Variants in NBEA observed in about 807,000 individuals in gnomAD.
The protein encoded by NBEA is lysosomal-trafficking regulator 2.
In NBEA, 44 loss-of-function variants were observed where a neutral mutation model predicts 343.4. The observed-to-expected ratio is 0.13, with a 90% CI of 0.10 to 0.16. NBEA has a LOEUF of 0.16. Ranked by LOEUF, NBEA falls within the 10% of genes least tolerant of loss-of-function variation. The pLI, the probability that NBEA is intolerant of heterozygous loss-of-function variation, is 1.00. For synonymous variants in NBEA, 1,175 were observed against 1,238.7 expected, an observed-to-expected ratio of 0.95 and a Z score of 1.08; for missense variants, 2,555 against 3,631.3, an observed-to-expected ratio of 0.70 and a Z score of 7.62.
intron 46 of NBEA, 101 bp downstream of exon 46, chr13:35,584,139 T>C: frequency 8.6e-7 from 1 of 1,158,478 alleles, no homozygotes; most frequent in Non-Finnish European, 1.3e-6. Flanking sequence ...TTAACAAAGA[T>C]TAGAGACGAG....
chr13:35,002,157 C>T lies in NBEA; in HGVS notation c.295-38776C>T, dbSNP rs535331840. On this transcript the variant is annotated intron_variant, in intron 1 of 58. Transcript: ENST00000379939. The stretch of plus-strand genomic sequence containing the variant: ...CCTCAGAATGGGAGCTCAGGGGTCC[C>T]ATCTGAGACCAGCAGTTGCAGTTGG... Among the ~76,000 whole-genome samples, 3 of 152,240 alleles carry T rather than the reference C, an allele frequency of 2.0e-5. No homozygotes were observed. The East Asian group carries it at 5.8e-4, about 29-fold the overall frequency.
intron 47 of NBEA, among the ~76,000 whole-genome samples, chr13:35,601,761 C>CAAAAAA (rs869213180): frequency 2.6e-5 from 3 of 114,910 alleles, no homozygotes; most frequent in African/African-American, 1.1e-4. Flanking sequence ...GACTCCATCG[C>CAAAAAA]AAAAAAAAAA....
chr13:35,610,924 G>T (rs2082490756), intron 48 of NBEA, among the ~76,000 whole-genome samples: 1 of 151,600 alleles, frequency 6.6e-6, no homozygotes, highest in Non-Finnish European at 1.5e-5. Context: ...TATGTAGATG[G>T]CAAATAAACA....
chr13:35,359,472 G>A (rs1193666673), intron 38 of NBEA, among the ~76,000 whole-genome samples: 2 of 151,870 alleles, frequency 1.3e-5, no homozygotes, highest in Non-Finnish European at 2.9e-5. Context: ...CAATATGAAG[G>A]AATTTCATCC....
At chr13:35,339,040 A>G (rs1209609788) in intron 36 of NBEA, among the ~76,000 whole-genome samples, 3 of 152,116 alleles carry the variant, frequency 2.0e-5, no homozygotes, top group Admixed American at 1.3e-4. Context: ...GAACCCCGCA[A>G]TGAAGTCATG....
chr13:35,193,752 G>T (rs571461218), intron 30 of NBEA, among the ~76,000 whole-genome samples: 2 of 151,978 alleles, frequency 1.3e-5, no homozygotes, highest in South Asian at 4.1e-4. Context: ...CATCCAATAT[G>T]AATGTTTGAA....
chr13:35,213,807 G>A (rs2152755279), intron 33 of NBEA, among the ~76,000 whole-genome samples: 1 of 151,952 alleles, frequency 6.6e-6, no homozygotes, highest in East Asian at 1.9e-4. Context: ...ATTTTAATGA[G>A]TTTTGATTAG....
intron 38 of NBEA, among the ~76,000 whole-genome samples, chr13:35,406,509 G>A (rs2043278917): frequency 6.6e-6 from 1 of 151,868 alleles, no homozygotes; most frequent in Non-Finnish European, 1.5e-5. Context: ...TTATGCCTTT[G>A]CATCCTCATA....
At chr13:35,283,520 T>A (rs891218701) in intron 34 of NBEA, among the ~76,000 whole-genome samples, 1 of 152,170 alleles carries the variant, frequency 6.6e-6, no homozygotes, top group Admixed American at 6.6e-5. Context: ...TTAATTTCTT[T>A]ATCAATCTTC....
chr13:35,267,973 ATT>A (rs1343459368), intron 34 of NBEA, among the ~76,000 whole-genome samples: 1 of 152,046 alleles, frequency 6.6e-6, no homozygotes, highest in Non-Finnish European at 1.5e-5. Context: ...TAAAAATATA[ATT>A]ACCATGTCAC....
chr13:35,115,571 C>T (rs1170532257), intron 13 of NBEA, among the ~76,000 whole-genome samples: 1 of 151,932 alleles, frequency 6.6e-6, no homozygotes, highest in African/African-American at 2.4e-5. Flanking sequence ...TATTGTTTAG[C>T]TTCTATAGTT....
At position 35,045,351 on chromosome 13, in the gene NBEA, C is replaced by A; in HGVS notation, c.673C>A (p.Gln225Lys). 6.2e-7 allele frequency: 1 copy of A among 1,612,682 alleles called. No individual in the cohort carries two copies. Among genetic ancestry groups the A allele is most frequent in the South Asian group, 1.1e-5 (1 of 90,834 alleles). The change falls in exon 4 of 59, where the codon CAG (glutamine) becomes AAG (lysine). Residue 225 changes from glutamine to lysine, a missense_variant. By Grantham distance (53) the Gln-to-Lys change is moderately conservative. Coordinates refer to ENST00000379939, the MANE Select transcript of NBEA (RefSeq NM_001385012.1). ...ATTATCAGTTCTTAATCAGATGCCA[C>A]AGAGACACGGTCCTGATACTTTTTT... The part of the protein sequence containing the change: ...KLLSVLNQMP[Q>K]RHGPDTFFNF...
chr13:35,156,322 A>G, intron 20 of NBEA, 116 bp downstream of exon 20: 1 of 1,037,378 alleles, frequency 9.6e-7, no homozygotes, highest in East Asian at 3.1e-5. Context: ...TAATCATCAG[A>G]AAAGGCATTT....
intron 1 of NBEA, among the ~76,000 whole-genome samples, chr13:34,947,622 G>T (rs1243363898): frequency 6.6e-6 from 1 of 152,076 alleles, no homozygotes; most frequent in Non-Finnish European, 1.5e-5. Flanking sequence ...AGTTATTTAT[G>T]TGTGTTTCCC....
intron 53 of NBEA, among the ~76,000 whole-genome samples, chr13:35,653,337 T>G (rs1347029659): frequency 6.7e-6 from 1 of 148,680 alleles, no homozygotes; most frequent in East Asian, 2.0e-4. Context: ...TCTTTTTTTT[T>G]TTTTTTTTTT....
At chr13:35,367,574 G>T (rs754245047) in intron 38 of NBEA, among the ~76,000 whole-genome samples, 35 of 149,472 alleles carry the variant, frequency 2.3e-4, no homozygotes, top group Non-Finnish European at 4.3e-4. Context: ...TTTCCAACTG[G>T]TGTTCTTTTC....
intron 38 of NBEA, among the ~76,000 whole-genome samples, chr13:35,386,391 A>G (rs2042245478): frequency 6.6e-6 from 1 of 152,264 alleles, no homozygotes; most frequent in South Asian, 2.1e-4. Context: ...TTTCTACTAC[A>G]TAGTCTGAAA....
rs544885575 is a variant in NBEA at position 35,591,131 on chromosome 13, C to T, written c.7177-2197C>T. On this transcript the variant is annotated intron_variant, in intron 46 of 58. Coordinates refer to ENST00000379939, the MANE Select transcript of NBEA (RefSeq NM_001385012.1). ...TTTAATCTTATTTAATCCCATAATT[C>T]CCCCAAGGTATTGTCATTCCCAGTT... Among the ~76,000 whole-genome samples the T allele has an allele frequency of 2.4e-4, 36 of 152,040 alleles. No individual in the cohort carries two copies. The South Asian group carries it at 4.8e-3, about 20-fold the overall frequency.
At chr13:35,458,913 T>G (rs1403340154) in intron 40 of NBEA, among the ~76,000 whole-genome samples, 1 of 151,470 alleles carries the variant, frequency 6.6e-6, no homozygotes, top group African/African-American at 2.4e-5. Flanking sequence ...TACAGGGAGA[T>G]AGCAACACAA....
Sources: allele counts gnomAD v4.1 joint callset (sites outside exome capture counted in the v4.1 genomes callset), GRCh38; gene constraint gnomAD v4.1.1; transcripts MANE v1.5; gene names NCBI Gene and HGNC (gene_info 2026-07-23, HGNC 2026-07-21).